Variants in CCNT1 observed in about 807,000 individuals in gnomAD.
CCNT1 encodes cyclin T1.
Under a neutral mutation model 67.3 loss-of-function variants are expected in CCNT1, and 18 were observed. The ratio of observed to expected loss-of-function variants is 0.27; its 90% CI spans 0.18 to 0.40. The LOEUF (loss-of-function observed/expected upper bound fraction) is 0.40, where lower values mean the gene tolerates loss of function less well. Among genes scored for constraint, CCNT1 ranks in the 10% least tolerant of loss-of-function variants. CCNT1 has a pLI of 1.00. For missense variants in CCNT1, 744 were observed against 884.9 expected, an observed-to-expected ratio of 0.84 and a Z score of 2.02; for synonymous variants, 333 against 310.3, an observed-to-expected ratio of 1.07 and a Z score of -0.77.
intron 3 of CCNT1, among the ~76,000 whole-genome samples, chr12:48,702,787 G>C (rs60351852): frequency 6.6e-6 from 1 of 151,736 alleles, no homozygotes; most frequent in Non-Finnish European, 1.5e-5. Context: ...ACGGCACTCC[G>C]GCCTGGGTGA....
chr12:48,702,174 G>C (rs142666030), intron 3 of CCNT1, among the ~76,000 whole-genome samples: 2,700 of 152,348 alleles, frequency 0.018, 87 homozygotes, highest in African/African-American at 0.062. Context: ...TAGGATTACA[G>C]GCATGAGCCA....
chr12:48,716,506 C>T lies in CCNT1; in HGVS notation c.161+9G>A. ...ACTCCAAGGCCGAAGGCCTAGGCCA[C>T]AAGGATACACGTTAAGACGCTGCCC... is the stretch of plus-strand genomic sequence containing the variant. On this transcript the variant is annotated intron_variant, in intron 1 of 8. Transcript: ENST00000261900. The T allele has an allele frequency of 6.2e-7, 1 of 1,610,310 alleles. No individual in the cohort carries two copies. The highest frequency in any genetic ancestry group is 8.5e-7 in the Non-Finnish European group (1 of 1,177,558).
Position 48,698,188 on chromosome 12 carries a change from A to AG in CCNT1, c.497-6dup. ...TCTGTGCTAAGTCCTTGCTTGCTAA[A>AG]GAAAAAAAAAAAAAGTCAGGGGTGG... On this transcript the variant is annotated splice_polypyrimidine_tract_variant and splice_region_variant and intron_variant, in intron 5 of 8. Coordinates refer to ENST00000261900, the MANE Select transcript of CCNT1 (RefSeq NM_001240.4). 5.3e-6 allele frequency: 7 copies of AG among 1,330,234 alleles called. No individual in the cohort carries two copies. The highest frequency in any genetic ancestry group is 7.1e-6 in the Non-Finnish European group (7 of 989,514). 82.4% of individuals were successfully genotyped at this position (1,330,234 alleles called of 1,614,324 possible). A position where few individuals can be genotyped will look rare whatever the true frequency, so the allele number is the denominator to read the frequency against.
chr12:48,697,538 T>C (rs201058382), intron 6 of CCNT1, among the ~76,000 whole-genome samples: 1 of 124,910 alleles, frequency 8.0e-6, no homozygotes, highest in South Asian at 2.4e-4. Context: ...AAAAAAAATA[T>C]ATATATATAT....
intron 8 of CCNT1, among the ~76,000 whole-genome samples, chr12:48,695,154 A>G (rs1940148903): frequency 6.6e-6 from 1 of 152,182 alleles, no homozygotes; most frequent in African/African-American, 2.4e-5. Context: ...TCAGGCTTCT[A>G]AGAGGCAAAC....
At chr12:48,700,674 G>A (rs1379514538) in intron 4 of CCNT1, among the ~76,000 whole-genome samples, 3 of 152,088 alleles carry the variant, frequency 2.0e-5, no homozygotes, top group East Asian at 1.9e-4. Context: ...AAAAACAAAT[G>A]CTGTTACAGG....
At chr12:48,698,365 G>T (rs1940213186) in intron 5 of CCNT1, among the ~76,000 whole-genome samples, 182 bp from the exon 6 acceptor site, 1 of 152,120 alleles carries the variant, frequency 6.6e-6, no homozygotes, top group African/African-American at 2.4e-5. Flanking sequence ...ACAGATCAAT[G>T]ATTTTTAATT....
intron 1 of CCNT1, 99 bp downstream of exon 1, chr12:48,716,416 C>A (rs568201590): frequency 1.7e-6 from 2 of 1,157,746 alleles, no homozygotes; most frequent in Non-Finnish European, 2.4e-6. Context: ...TTCTGCCCAC[C>A]TTCTTCCCCA....
At position 48,693,213 on chromosome 12, in the gene CCNT1, C is replaced by T. The variant is rs1464805481; in HGVS notation, c.2001G>A (p.Leu667=). The T allele has an allele frequency of 6.2e-7, 1 of 1,614,134 alleles. No individual in the cohort carries two copies. The highest frequency in any genetic ancestry group is 8.5e-7 in the Non-Finnish European group (1 of 1,180,024). The change falls in exon 9 of 9, where the codon CTG becomes CTA. Residue 667 remains leucine (L), a synonymous_variant. Transcript: ENST00000261900. ...TGGGCTGAACACCCTGGGCACTGAGCAGGGAGTGAAGCATATTCACAGTGT... is the reference window on the plus strand; with the variant it reads ...TGGGCTGAACACCCTGGGCACTGAGTAGGGAGTGAAGCATATTCACAGTGT... ...YQDTVNMLHS[L]LSAQGVQPTQ...
At chr12:48,710,542 G>GA (rs1279547907) in intron 2 of CCNT1, among the ~76,000 whole-genome samples, 1 of 152,142 alleles carries the variant, frequency 6.6e-6, no homozygotes, top group Non-Finnish European at 1.5e-5. Context: ...AGCACTTTGG[G>GA]AGACTGAGGT....
chr12:48,698,130 ATAT>A lies in CCNT1; in HGVS notation c.542+5_542+7del. The A allele has an allele frequency of 1.9e-6, 3 of 1,558,676 alleles. No homozygotes were observed. The highest frequency in any genetic ancestry group is 2.3e-5 in the East Asian group (1 of 43,876). On this transcript the variant is annotated splice_donor_5th_base_variant and intron_variant, in intron 6 of 8. Coordinates refer to ENST00000261900, the MANE Select transcript of CCNT1 (RefSeq NM_001240.4). The stretch of plus-strand genomic sequence containing the variant: ...AAATCGAAGAGAAAAAAAAATTAAA[ATAT>A]AAACCTGTTGGTTGCCATGAAGTAA...
intron 4 of CCNT1, 24 bp downstream of exon 4, chr12:48,700,989 T>C: frequency 3.7e-6 from 5 of 1,367,318 alleles, no homozygotes; most frequent in South Asian, 1.3e-5. Context: ...TTTAAAAAAA[T>C]GTTTCAAAGG....
Position 48,694,371 on chromosome 12 carries a change from C to T in CCNT1, c.843G>A (p.Gln281=), listed in dbSNP as rs201440153. ...DRGTDEKTSE[Q]TILNMISQSS... is the part of the protein sequence containing the mutation. ...TCTGGGAAATCATATTGAGGATTGT[C>T]TGCTCTGAAGTCTTTTCATCTGTTC... The change falls in exon 9 of 9, where the codon CAG becomes CAA. Residue 281 remains glutamine (Q), a synonymous_variant. Transcript: ENST00000261900. The T allele has an allele frequency of 3.1e-6, 5 of 1,614,226 alleles. No homozygotes were observed. The highest frequency in any genetic ancestry group is 4.2e-6 in the Non-Finnish European group (5 of 1,180,040).
intron 5 of CCNT1, among the ~76,000 whole-genome samples, chr12:48,699,129 T>C (rs1267059346): frequency 2.6e-5 from 4 of 152,170 alleles, no homozygotes; most frequent in Non-Finnish European, 5.9e-5. Context: ...GTCTTCTCAA[T>C]ATTAACATAC....
At position 48,712,432 on chromosome 12, in the gene CCNT1, C is replaced by T. The variant is rs76315480; in HGVS notation, c.243+2011G>A. Among the ~76,000 whole-genome samples the T allele has an allele frequency of 6.9e-3, 1,050 of 151,354 alleles. 11 individuals carry two copies. The highest frequency in any genetic ancestry group is 0.023 in the African/African-American group (964 of 41,244). On this transcript the variant is annotated intron_variant, in intron 2 of 8. Coordinates refer to ENST00000261900, the MANE Select transcript of CCNT1 (RefSeq NM_001240.4). ...CTGGGATTACAGGCATGAAACTCCA[C>T]GCCTGGCTAATTTTTGTATTAGTAG... is the stretch of plus-strand genomic sequence containing the variant.
At chr12:48,700,984 A>C (rs1401333917) in intron 4 of CCNT1, 29 bp downstream of exon 4, 1 of 1,345,518 alleles carries the variant, frequency 7.4e-7, no homozygotes, top group African/African-American at 1.5e-5. Flanking sequence ...CATAATTTAA[A>C]AAAATGTTTC....
chr12:48,713,911 T>C (rs1283190043), intron 2 of CCNT1, among the ~76,000 whole-genome samples: 3 of 152,122 alleles, frequency 2.0e-5, no homozygotes, highest in Non-Finnish European at 4.4e-5. Context: ...GGGTTTTTTT[T>C]GAAGACAGGG....
chr12:48,703,466 G>A (rs1202326057), intron 3 of CCNT1, among the ~76,000 whole-genome samples: 2 of 151,888 alleles, frequency 1.3e-5, no homozygotes, highest in South Asian at 2.1e-4. Flanking sequence ...CCAGCTACTC[G>A]GGAGGCTGAG....
chr12:48,706,752 T>C (rs980334009), intron 2 of CCNT1, among the ~76,000 whole-genome samples: 1 of 152,208 alleles, frequency 6.6e-6, no homozygotes, highest in South Asian at 2.1e-4. Context: ...AGAATTTAAA[T>C]ATATATTTCA....
Sources: gnomAD v4.1 joint callset for allele counts (sites outside exome capture counted in the v4.1 genomes callset) on GRCh38, gnomAD v4.1.1 for gene constraint, MANE v1.5 for transcripts, NCBI Gene and HGNC (gene_info 2026-07-23, HGNC 2026-07-21) for gene names.